The following IGSF22 variants were observed in gnomAD, a reference collection of about 807,000 sequenced individuals.
IGSF22 encodes the protein immunoglobulin superfamily, member 22.
In IGSF22, 119 loss-of-function variants were observed where a neutral mutation model predicts 127.0. The observed-to-expected ratio is 0.94, with a 90% confidence interval of 0.81 to 1.09. The LOEUF (loss-of-function observed/expected upper bound fraction) is 1.09, where lower values mean the gene tolerates loss of function less well. Ranked by LOEUF, IGSF22 falls within the 50% of genes least tolerant of loss-of-function variation. The probability of loss-of-function intolerance (pLI) is 0.00; values close to 1 mark genes in which losing one functional copy is unlikely to be tolerated. For synonymous variants in IGSF22, 568 were observed against 664.7 expected (o/e 0.85, Z 2.24); for missense variants, 1,518 against 1,716.6 (o/e 0.88, Z 2.04).
At chr11:18,706,637 C>T (rs1019225914) in intron 21 of IGSF22, 2 of 426,968 alleles carry the variant, frequency 4.7e-6, no homozygotes, top group African/African-American at 4.0e-5. Context: ...AGACCCTCCC[C>T]TCAGAGCAGA....
chr11:18,725,178 G>GT (rs887155360), intron 1 of IGSF22, among the ~76,000 whole-genome samples: 5 of 151,708 alleles, frequency 3.3e-5, no homozygotes, highest in South Asian at 2.1e-4. Flanking sequence ...CAGCATTGCG[G>GT]TTTTTTTTGG....
chr11:18,706,379 A>G (rs1480746444), intron 21 of IGSF22, among the ~76,000 whole-genome samples: 1 of 107,228 alleles, frequency 9.3e-6, no homozygotes, highest in Non-Finnish European at 1.8e-5. Context: ...CACCCAAACC[A>G]CGCTTTCCCA....
chr11:18,710,302 C>G (rs776462945), intron 17 of IGSF22, 25 bp downstream of exon 17: 2 of 1,610,494 alleles, frequency 1.2e-6, no homozygotes, highest in East Asian at 4.5e-5. Flanking sequence ...CATTATGTGT[C>G]AGGACCTGGC....
At chr11:18,707,499 G>A (rs1848263838) in intron 20 of IGSF22, 1 of 527,798 alleles carries the variant, frequency 1.9e-6, no homozygotes, top group African/African-American at 1.9e-5. Context: ...TTACTGTTCA[G>A]TAAAAATGAA....
intron 16 of IGSF22, 74 bp downstream of exon 16, chr11:18,710,581 G>A (rs1331017670): frequency 6.3e-7 from 1 of 1,580,420 alleles, no homozygotes; most frequent in Non-Finnish European, 8.6e-7. Context: ...ATGAGGGACT[G>A]TGTCAGTAGT....
chr11:18,721,907 C>A lies in IGSF22; in HGVS notation c.241+3G>T. On this transcript the variant is annotated splice_donor_region_variant and intron_variant, in intron 3 of 22. Transcript: ENST00000513874. ...GCCCGGTGAGCCACAGGCAGCAACA[C>A]ACCCTCGGGCGCGGTGACCGGTTGA... 6.2e-7 allele frequency: 1 copy of A among 1,612,644 alleles called. No individual in the cohort carries two copies. Among genetic ancestry groups the A allele is most frequent in the Non-Finnish European group, 8.5e-7 (1 of 1,180,038 alleles).
In IGSF22 at chr11:18,718,740, T is replaced by C. The variant is rs1330475043; in HGVS notation, c.697-12A>G. ...AGAATCCGGATGGCCTGAGAGATTATGATAATAAAATGACAAGTGTCAGTG... is the reference window on the plus strand; with the variant it reads ...AGAATCCGGATGGCCTGAGAGATTACGATAATAAAATGACAAGTGTCAGTG... On this transcript the variant is annotated splice_polypyrimidine_tract_variant and intron_variant, in intron 7 of 22. Transcript: ENST00000513874. 8 of 1,547,958 alleles carry C rather than the reference T, an allele frequency of 5.2e-6. No individual in the cohort carries two copies. The highest frequency in any genetic ancestry group is 7.1e-6 in the Non-Finnish European group (8 of 1,121,986).
chr11:18,719,312 TTTTTTTTG>T (rs1289232648), intron 7 of IGSF22, among the ~76,000 whole-genome samples: 2 of 135,366 alleles, frequency 1.5e-5, no homozygotes, highest in African/African-American at 2.8e-5. Context: ...ACCCAGCGGT[TTTTTTTTG>T]TTTTTTTTTG....
chr11:18,723,427 T>A (rs1202252299), intron 2 of IGSF22, among the ~76,000 whole-genome samples: 1 of 152,222 alleles, frequency 6.6e-6, no homozygotes, highest in African/African-American at 2.4e-5. Context: ...GTATAGAGTG[T>A]TTATCTGGCC....
rs1340520978 is a variant in IGSF22, at chr11:18,708,301, A to T, written c.2999-6T>A. On this transcript the variant is annotated splice_region_variant and splice_polypyrimidine_tract_variant and intron_variant, in intron 18 of 22. Coordinates refer to ENST00000513874, the MANE Select transcript of IGSF22 (RefSeq NM_173588.4). ...GAGGTCAAACTTGGGTGCAGCTGAGATGGAGGAGACAGAGGTGGAGGCATG... is the reference window on the plus strand; with the variant it reads ...GAGGTCAAACTTGGGTGCAGCTGAGTTGGAGGAGACAGAGGTGGAGGCATG... The T allele has an allele frequency of 6.5e-7, 1 of 1,540,468 alleles. No individual in the cohort carries two copies. The highest frequency in any genetic ancestry group is 1.7e-4 in the Middle Eastern group (1 of 5,842).
At position 18,724,253 on chromosome 11, in the gene IGSF22, G is replaced by A; in HGVS notation, c.-17C>T. The stretch of plus-strand genomic sequence containing the variant: ...GGTTGTCATGGTGACAGCAGGCGTG[G>A]GCACTCACCTGTGAGACTGGGGAAG... On this transcript the variant is annotated 5_prime_UTR_variant, in exon 2 of 23. Coordinates refer to ENST00000513874, the MANE Select transcript of IGSF22 (RefSeq NM_173588.4). The A allele has an allele frequency of 2.5e-6, 4 of 1,591,698 alleles. No individual in the cohort carries two copies. Among genetic ancestry groups the A allele is most frequent in the Non-Finnish European group, 2.6e-6 (3 of 1,160,080 alleles).
chr11:18,714,059 G>A lies in IGSF22; in HGVS notation c.1888C>T (p.Pro630Ser), dbSNP rs1030694138. 3 of 1,614,266 alleles carry A rather than the reference G, an allele frequency of 1.9e-6. No homozygotes were observed. Among genetic ancestry groups the A allele is most frequent in the Middle Eastern group, 1.6e-4 (1 of 6,062 alleles). Residue 630 changes from proline to serine, a missense_variant, in exon 14 of 23, where the codon CCC becomes TCC. Pro to Ser is a moderately conservative substitution (Grantham distance 74). Coordinates refer to ENST00000513874, the MANE Select transcript of IGSF22 (RefSeq NM_173588.4). The stretch of plus-strand genomic sequence containing the variant: ...TTGGGCAGTGGTTTTCCCCGGAAGG[G>A]GACCTTGATGTGGGCCGTGTGGCCT... ...KVGHTAHIKVPFRGKPLPKVT... is the reference protein window; with the variant it reads ...KVGHTAHIKVSFRGKPLPKVT...
intron 8 of IGSF22, 141 bp from the exon 9 acceptor site, chr11:18,718,234 C>G (rs1365999507): frequency 2.9e-5 from 22 of 766,776 alleles, no homozygotes; most frequent in Non-Finnish European, 4.1e-5. Context: ...TCTCTATAGC[C>G]TCATCATCTG....
At position 18,707,903 on chromosome 11, in the gene IGSF22, G is replaced by A; in HGVS notation, c.3181C>T (p.Leu1061Phe). 1 of 1,614,216 alleles carries A rather than the reference G, an allele frequency of 6.2e-7. No individual in the cohort carries two copies. Reference protein sequence around the residue: ...ITKSKNHSQFLINSTKRSDSG... With the variant: ...ITKSKNHSQFFINSTKRSDSG... ...TCAGAGCGCTTGGTGCTATTAATGAGGAACTGGGAGTGGTTTTTGCTCTTG... is the reference window on the plus strand; with the variant it reads ...TCAGAGCGCTTGGTGCTATTAATGAAGAACTGGGAGTGGTTTTTGCTCTTG... Residue 1061 changes from leucine to phenylalanine, a missense_variant, in exon 20 of 23, where the codon CTC becomes TTC. Leu to Phe is a conservative substitution (Grantham distance 22). Transcript: ENST00000513874.
Position 18,707,719 on chromosome 11 carries a change from GGTAGGAACTCAAGCGGCAC to G in IGSF22, c.3280+66_3280+84del, listed in dbSNP as rs1848268815. 2.7e-6 allele frequency: 3 copies of G among 1,131,806 alleles called. No homozygotes were observed. In the South Asian group the frequency reaches 4.3e-5, roughly 16 times the overall value. 70.1% of individuals were successfully genotyped at this position (1,131,806 alleles called of 1,614,324 possible). On this transcript the variant is annotated intron_variant, in intron 20 of 22. Transcript: ENST00000513874. ...TGGCCCTAAGGCATGACTTTCCTGT[GGTAGGAACTCAAGCGGCAC>G]TGGGGAGCTGTGCTTTGGAGAGTGT...
intron 7 of IGSF22, 117 bp downstream of exon 7, chr11:18,719,599 T>C: frequency 1.0e-6 from 1 of 976,510 alleles, no homozygotes; most frequent in African/African-American, 1.6e-5. Flanking sequence ...AGTACGCCTC[T>C]GAGTATGTGT....
rs969032439 is a variant in IGSF22, at chr11:18,707,805, T to A, written c.3279A>T (p.Ala1093=). The A allele has an allele frequency of 3.2e-6, 5 of 1,576,688 alleles. No homozygotes were observed. Among genetic ancestry groups the A allele is most frequent in the Non-Finnish European group, 4.3e-6 (5 of 1,160,392 alleles). ...GAGGCCTCTGCCTTCTCTCCATACC[T>A]GCCACGCGCACATGGATGTCATAGC... is the stretch of plus-strand genomic sequence containing the variant. ...EARYDIHVRV[A]DFPRPPTNLR... is the part of the protein sequence containing the mutation. The change falls in exon 20 of 23, where the codon GCA becomes GCT. Residue 1093 remains alanine, a splice_region_variant and synonymous_variant. Coordinates refer to ENST00000513874, the MANE Select transcript of IGSF22 (RefSeq NM_173588.4).
chr11:18,723,390 G>A (rs1848604088), intron 2 of IGSF22, among the ~76,000 whole-genome samples: 1 of 152,226 alleles, frequency 6.6e-6, no homozygotes, highest in Non-Finnish European at 1.5e-5. Context: ...CACTTGCTCT[G>A]CCTCACTGGC....
chr11:18,713,430 GGTGTGA>G, intron 14 of IGSF22, among the ~76,000 whole-genome samples: 1 of 152,296 alleles, frequency 6.6e-6, no homozygotes, highest in Middle Eastern at 3.4e-3. Context: ...TGGGATTATA[GGTGTGA>G]GCTATAGGTG....
Sources: allele counts gnomAD v4.1 joint callset (sites outside exome capture counted in the v4.1 genomes callset), GRCh38; gene constraint gnomAD v4.1.1; transcripts MANE v1.5; gene names NCBI Gene and HGNC (gene_info 2026-07-23, HGNC 2026-07-21).